The following EMB variants were observed in gnomAD, a reference collection of about 807,000 sequenced individuals.
EMB encodes embigin homolog.
In EMB, 31 loss-of-function variants were observed where a neutral mutation model predicts 41.4. The observed-to-expected ratio is 0.75, with a 90% CI of 0.56 to 1.01. The LOEUF is 1.01. EMB is among the 50% of genes least tolerant of loss of function. The pLI is 0.00. For missense variants in EMB, 379 were observed against 388.3 expected (o/e 0.98, Z 0.20); for synonymous variants, 137 against 140.4 (o/e 0.98, Z 0.17).
intron 4 of EMB, among the ~76,000 whole-genome samples, chr5:50,409,569 A>G (rs2111789837): frequency 6.6e-6 from 1 of 152,010 alleles, no homozygotes; most frequent in South Asian, 2.1e-4. Context: ...GAAAAAGAGA[A>G]AGGGAGGAAA....
intron 6 of EMB, among the ~76,000 whole-genome samples, chr5:50,402,876 C>CAAAAA (rs564451334): frequency 1.1e-4 from 6 of 54,634 alleles, no homozygotes; most frequent in African/African-American, 2.5e-4. Flanking sequence ...CCAGTAGCAC[C>CAAAAA]AAAAAAAAAA....
chr5:50,442,187 A>G (rs1484567255), upstream of EMB, among the ~76,000 whole-genome samples: 1 of 151,522 alleles, frequency 6.6e-6, no homozygotes, highest in Non-Finnish European at 1.5e-5. Context: ...ACATTCGTAA[A>G]TTCAAAATAT....
intron 7 of EMB, among the ~76,000 whole-genome samples, chr5:50,401,005 A>G (rs1481603022): frequency 1.3e-5 from 2 of 152,006 alleles, no homozygotes; most frequent in East Asian, 1.9e-4. Context: ...TATGTCAATG[A>G]CTGTCACGTT....
chr5:50,428,617 C>T (rs530412211), intron 1 of EMB: 3 of 987,078 alleles, frequency 3.0e-6, no homozygotes, highest in South Asian at 9.3e-5. Flanking sequence ...AGAAGAGCGA[C>T]AGGCAGACCT....
chr5:50,411,483 T>C, intron 2 of EMB, 100 bp from the exon 3 acceptor site: 1 of 766,394 alleles, frequency 1.3e-6, no homozygotes, highest in South Asian at 3.4e-5. Flanking sequence ...ATTGACAATT[T>C]CTTAATGTAA....
intron 5 of EMB, 81 bp from the exon 6 acceptor site, chr5:50,403,535 A>T (rs903787027): frequency 5.6e-6 from 8 of 1,437,532 alleles, no homozygotes; most frequent in Admixed American, 1.9e-5. Context: ...GAAAGCTATA[A>T]GATAATGCCA....
chr5:50,408,964 G>A lies in EMB; in HGVS notation c.472+1913C>T, dbSNP rs1323739600. 3.3e-5 allele frequency among the ~76,000 whole-genome samples: 5 copies of A among 151,740 alleles called. No individual in the cohort carries two copies. In the East Asian group the frequency reaches 9.6e-4, roughly 29 times the overall value. On this transcript the variant is annotated intron_variant, in intron 4 of 8. Transcript: ENST00000303221. ...TTATTAATTTTATAAATATCTTCAA[G>A]ATATAATACATACTTAAAAGTTACA...
chr5:50,433,609 C>T (rs1255398786), intron 1 of EMB, among the ~76,000 whole-genome samples: 1 of 152,116 alleles, frequency 6.6e-6, no homozygotes, highest in Non-Finnish European at 1.5e-5. Flanking sequence ...GTAGTTTTGC[C>T]CCGCAGGAGA....
chr5:50,437,820 A>G (rs1745830149), intron 1 of EMB, among the ~76,000 whole-genome samples: 2 of 152,224 alleles, frequency 1.3e-5, no homozygotes, highest in African/African-American at 4.8e-5. Context: ...TAAAAGGATC[A>G]TTTTAAATGA....
At chr5:50,402,112 G>A (rs1226030514) in intron 7 of EMB, among the ~76,000 whole-genome samples, 174 bp downstream of exon 7, 1 of 151,844 alleles carries the variant, frequency 6.6e-6, no homozygotes, top group Non-Finnish European at 1.5e-5. Context: ...AAGTGATGAA[G>A]AAGAATTCTC....
intron 1 of EMB, among the ~76,000 whole-genome samples, chr5:50,435,325 A>T (rs1745786548): frequency 6.6e-6 from 1 of 152,274 alleles, no homozygotes; most frequent in South Asian, 2.1e-4. Context: ...AATATATATG[A>T]AGCACCATCT....
intron 2 of EMB, among the ~76,000 whole-genome samples, chr5:50,423,530 T>C (rs554440431): frequency 1.3e-5 from 2 of 152,246 alleles, no homozygotes; most frequent in Non-Finnish European, 2.9e-5. Context: ...TGTCTAATCC[T>C]ACTGCTCCTT....
chr5:50,432,694 C>CT (rs1194029445), intron 1 of EMB, among the ~76,000 whole-genome samples: 3 of 146,184 alleles, frequency 2.1e-5, no homozygotes, highest in Admixed American at 7.0e-5. Context: ...TAAGGCATCT[C>CT]TGAGTCCTGG....
chr5:50,428,087 A>G, intron 2 of EMB, 57 bp downstream of exon 2: 1 of 1,302,190 alleles, frequency 7.7e-7, no homozygotes, highest in Non-Finnish European at 1.1e-6. Context: ...TTTGTTTAAG[A>G]AAAATTGCTT....
At chr5:50,410,735 CT>C in intron 4 of EMB, 141 bp downstream of exon 4, 4 of 512,982 alleles carry the variant, frequency 7.8e-6, no homozygotes, top group Middle Eastern at 9.9e-4. Context: ...AAGGCTGCCT[CT>C]TGTGGCTCTG....
intron 2 of EMB, among the ~76,000 whole-genome samples, chr5:50,424,087 C>T (rs1745569197): frequency 6.6e-6 from 1 of 152,116 alleles, no homozygotes; most frequent in Non-Finnish European, 1.5e-5. Flanking sequence ...GCTCTTAAAA[C>T]TCAAATATCT....
intron 1 of EMB, among the ~76,000 whole-genome samples, chr5:50,435,511 T>A (rs1387367849): frequency 6.6e-6 from 1 of 152,176 alleles, no homozygotes; most frequent in East Asian, 1.9e-4. Context: ...CTTTTTAAAA[T>A]TCCAAGACAG....
chr5:50,440,163 C>T (rs1445347193), intron 1 of EMB, among the ~76,000 whole-genome samples: 2 of 152,134 alleles, frequency 1.3e-5, no homozygotes, highest in Non-Finnish European at 2.9e-5. Flanking sequence ...AATGAAGATA[C>T]ACACACGTTA....
At chr5:50,400,002 AT>A (rs1342641055) in intron 7 of EMB, 89 bp from the exon 8 acceptor site, 6 of 804,568 alleles carry the variant, frequency 7.5e-6, no homozygotes, top group African/African-American at 7.3e-5. Context: ...TCAGGTTAAA[AT>A]GTAAAATGTC....
Sources: allele counts gnomAD v4.1 joint callset (sites outside exome capture counted in the v4.1 genomes callset), GRCh38; gene constraint gnomAD v4.1.1; transcripts MANE v1.5; gene names NCBI Gene and HGNC (gene_info 2026-07-23, HGNC 2026-07-21).